ELAVL3: variants seen among roughly 807,000 people sequenced by gnomAD.
ELAVL3 encodes ELAV like RNA binding protein 3.
ELAVL3 carries 8 observed loss-of-function variants against 34.2 expected under a neutral mutation model. The ratio of observed to expected loss-of-function variants is 0.23; its 90% CI spans 0.14 to 0.42. ELAVL3 has a LOEUF of 0.42. Among genes scored for constraint, ELAVL3 ranks in the 10% least tolerant of loss-of-function variants. ELAVL3 has a pLI of 1.00. For synonymous variants in ELAVL3, 209 were observed against 222.1 expected (o/e 0.94, Z 0.53); for missense variants, 273 against 518.8 (o/e 0.53, Z 4.60).
chr19:11,478,107 G>C (rs1340855649), intron 1 of ELAVL3, among the ~76,000 whole-genome samples: 1 of 152,160 alleles, frequency 6.6e-6, no homozygotes, highest in Non-Finnish European at 1.5e-5. Flanking sequence ...TTAGTCACAG[G>C]GACCTATGAC....
chr19:11,479,941 C>A (rs1056263606), intron 1 of ELAVL3, among the ~76,000 whole-genome samples: 1 of 151,422 alleles, frequency 6.6e-6, no homozygotes, highest in Non-Finnish European at 1.5e-5. Flanking sequence ...AACCCGCGGG[C>A]CCTCCTCTCC....
Position 11,458,061 on chromosome 19 carries a change from C to T in ELAVL3, c.713G>A (p.Arg238Gln). 1 of 1,611,336 alleles carries T rather than the reference C, an allele frequency of 6.2e-7. No individual in the cohort carries two copies. The highest frequency in any genetic ancestry group is 8.5e-7 in the Non-Finnish European group (1 of 1,179,964). ...GPLHHQTQRF[R>Q]LDNLLNMAYG... Reference sequence around the variant, plus strand: ...GCCATCTGGCTGGCAGGGGGCTCACCGGAAACGCTGGGTCTGATGGTGTAG... The same window carrying T: ...GCCATCTGGCTGGCAGGGGGCTCACTGGAAACGCTGGGTCTGATGGTGTAG... The change falls in exon 5 of 7, where the codon CGG (arginine) becomes CAG (glutamine). Residue 238 changes from arginine (R) to glutamine (Q), a missense_variant and splice_region_variant. By Grantham distance (43) the Arg-to-Gln change is conservative. Around this residue, in one of 4 missense-constraint regions of ELAVL3, gnomAD observed 79 missense variants for 108.2 expected, o/e 0.73. Transcript: ENST00000359227. This position sits in a 1 kb window ranked among gnomAD's most constrained non-coding sequence, Gnocchi z 7.3.
chr19:11,472,853 G>C lies in ELAVL3; in HGVS notation c.10-6026C>G, dbSNP rs527377145. On this transcript the variant is annotated intron_variant, in intron 1 of 6. Coordinates refer to ENST00000359227, the MANE Select transcript of ELAVL3 (RefSeq NM_001420.4). ...ACCAAGGGGGGGTGGATCGCCAGAG[G>C]TCAGGAGTTTGAGACCATCCTGACC... 4.0e-5 allele frequency among the ~76,000 whole-genome samples: 6 copies of C among 151,382 alleles called. 1 individual carries two copies. The highest frequency in any genetic ancestry group is 1.5e-4 in the African/African-American group (6 of 41,192).
intron 1 of ELAVL3, among the ~76,000 whole-genome samples, chr19:11,473,191 C>G (rs1971200282): frequency 6.6e-6 from 1 of 152,040 alleles, no homozygotes; most frequent in Non-Finnish European, 1.5e-5. Context: ...CGGCGAAACT[C>G]CGTCTTTACT....
At chr19:11,476,147 G>A (rs774356128) in intron 1 of ELAVL3, among the ~76,000 whole-genome samples, 1 of 152,128 alleles carries the variant, frequency 6.6e-6, no homozygotes. Flanking sequence ...AACTGATCGC[G>A]TAACCATGTA....
intron 1 of ELAVL3, among the ~76,000 whole-genome samples, chr19:11,479,429 G>C (rs1971326363): frequency 6.6e-6 from 1 of 152,174 alleles, no homozygotes; most frequent in Admixed American, 6.5e-5. Flanking sequence ...AATGCACAGA[G>C]ACACACACGC....
rs1970685429 is a variant in ELAVL3 at position 11,452,930 on chromosome 19, CT to C, written c.*1595del. On this transcript the variant is annotated 3_prime_UTR_variant, in exon 7 of 7. Transcript: ENST00000359227. Reference sequence around the variant, plus strand: ...GATCGGGGGCTGTGTCCACTGCAATCTGGAAAGACGAAAAACCCAACAAACC... The same window carrying C: ...GATCGGGGGCTGTGTCCACTGCAATCGGAAAGACGAAAAACCCAACAAACC... 6.6e-6 allele frequency: 1 copy of C among 152,034 alleles called. No homozygotes were observed. The highest frequency in any genetic ancestry group is 1.5e-5 in the Non-Finnish European group (1 of 68,030). The allele number at this position is 152,034 out of a possible 1,614,324, so 9.4% of individuals were successfully genotyped here. A position where few individuals can be genotyped will look rare whatever the true frequency, so the allele number is the denominator to read the frequency against.
intron 5 of ELAVL3, 97 bp downstream of exon 5, chr19:11,457,964 C>T (rs1970804249): frequency 7.4e-7 from 1 of 1,351,998 alleles, no homozygotes. Context: ...TGTGCGCACC[C>T]TCCCGGCATC....
chr19:11,457,247 C>A, intron 5 of ELAVL3, 99 bp from the exon 6 acceptor site: 1 of 1,283,624 alleles, frequency 7.8e-7, no homozygotes, highest in Non-Finnish European at 1.0e-6. Context: ...AACAGGCCTG[C>A]AGCAGAGCCC....
intron 1 of ELAVL3, among the ~76,000 whole-genome samples, chr19:11,475,470 A>T (rs943904625): frequency 6.6e-6 from 1 of 151,810 alleles, no homozygotes; most frequent in African/African-American, 2.4e-5. Context: ...ATGCCCAGCT[A>T]ATTTTTTATT....
Position 11,454,299 on chromosome 19 carries a change from G to A in ELAVL3, c.*227C>T. 2 of 545,808 alleles carry A rather than the reference G, an allele frequency of 3.7e-6. No homozygotes were observed. Among genetic ancestry groups the A allele is most frequent in the South Asian group, 5.2e-5 (2 of 38,110 alleles). 33.8% of individuals were successfully genotyped at this position (545,808 alleles called of 1,614,324 possible). A position where few individuals can be genotyped will look rare whatever the true frequency, so the allele number is the denominator to read the frequency against. On this transcript the variant is annotated 3_prime_UTR_variant, in exon 7 of 7. Coordinates refer to ENST00000359227, the MANE Select transcript of ELAVL3 (RefSeq NM_001420.4). The surrounding 1 kb of genome is among the most constrained non-coding windows in gnomAD (Gnocchi z 9.2). ...AGAGTGAACAGCCCAGCCTGGGGTGGGGGCAGGAGGATGGGGCGGGGGATC... is the reference window on the plus strand; with the variant it reads ...AGAGTGAACAGCCCAGCCTGGGGTGAGGGCAGGAGGATGGGGCGGGGGATC...
rs755007277 is a variant in ELAVL3, at chr19:11,454,793, C to T, written c.837G>A (p.Ala279=). The change falls in exon 7 of 7, where the codon GCG becomes GCA. Residue 279 remains alanine, a synonymous_variant. Coordinates refer to ENST00000359227, the MANE Select transcript of ELAVL3 (RefSeq NM_001420.4). The surrounding 1 kb of genome is among the most constrained non-coding windows in gnomAD (Gnocchi z 9.2). ...CGAAGATGCACCAGCCGGCGCCCGCCGCGCCCCCCGACAGGCCCACGCCCG... is the reference window on the plus strand; with the variant it reads ...CGAAGATGCACCAGCCGGCGCCCGCTGCGCCCCCCGACAGGCCCACGCCCG... The part of the protein sequence containing the change: ...GLAGVGLSGG[A]AGAGWCIFVY... 2.5e-5 allele frequency: 40 copies of T among 1,612,596 alleles called. No homozygotes were observed. In the Admixed American group the frequency reaches 5.7e-4, roughly 23 times the overall value.
chr19:11,469,828 T>C (rs577064482), intron 1 of ELAVL3, among the ~76,000 whole-genome samples: 1 of 151,940 alleles, frequency 6.6e-6, no homozygotes, highest in Non-Finnish European at 1.5e-5. Flanking sequence ...GAGGCCAAGG[T>C]GGACGGATTG....
At chr19:11,468,067 G>A (rs886261530) in intron 1 of ELAVL3, among the ~76,000 whole-genome samples, 2 of 152,220 alleles carry the variant, frequency 1.3e-5, no homozygotes, top group South Asian at 2.1e-4. Context: ...TGGGATTACA[G>A]GTGTGAGCTA....
Position 11,466,083 on chromosome 19 carries a change from A to C in ELAVL3, c.333+89T>G. ...GAGTCCTGAAAGGCAGTGGACATGG[A>C]TGCATGGGGGCGGGTAGGTGGCAGT... On this transcript the variant is annotated intron_variant, in intron 3 of 6. Coordinates refer to ENST00000359227, the MANE Select transcript of ELAVL3 (RefSeq NM_001420.4). The surrounding 1 kb of genome is among the most constrained non-coding windows in gnomAD (Gnocchi z 5.0). The C allele has an allele frequency of 8.7e-7, 1 of 1,145,746 alleles. No individual in the cohort carries two copies. The highest frequency in any genetic ancestry group is 1.9e-5 in the Admixed American group (1 of 52,726). 71.0% of individuals were successfully genotyped at this position (1,145,746 alleles called of 1,614,324 possible).
In ELAVL3 at chr19:11,480,492, T is replaced by A; in HGVS notation, c.9+108A>T. Reference sequence around the variant, plus strand: ...TGGTCCTACCCCCCCAACCCGGGCCTAGCTAGGCCTGGTCCTACCCCCCCC... The same window carrying A: ...TGGTCCTACCCCCCCAACCCGGGCCAAGCTAGGCCTGGTCCTACCCCCCCC... On this transcript the variant is annotated intron_variant, in intron 1 of 6. Transcript: ENST00000359227. This position sits in a 1 kb window ranked among gnomAD's most constrained non-coding sequence, Gnocchi z 6.8. 1.3e-5 allele frequency: 11 copies of A among 819,802 alleles called. No homozygotes were observed. The highest frequency in any genetic ancestry group is 1.9e-5 in the Non-Finnish European group (11 of 585,446). 50.8% of individuals were successfully genotyped at this position (819,802 alleles called of 1,614,324 possible). A position where few individuals can be genotyped will look rare whatever the true frequency, so the allele number is the denominator to read the frequency against.
At chr19:11,471,407 G>C (rs1300616012) in intron 1 of ELAVL3, among the ~76,000 whole-genome samples, 1 of 151,680 alleles carries the variant, frequency 6.6e-6, no homozygotes, top group Non-Finnish European at 1.5e-5. Context: ...GAGTTCAGGA[G>C]TTCGAGACCA....
intron 3 of ELAVL3, among the ~76,000 whole-genome samples, chr19:11,465,535 G>A (rs1189319566): frequency 6.6e-6 from 1 of 151,354 alleles, no homozygotes. Context: ...ATCAGGAAAG[G>A]GAAGAGATTC....
At chr19:11,472,699 T>A (rs1163606566) in intron 1 of ELAVL3, among the ~76,000 whole-genome samples, 1 of 149,062 alleles carries the variant, frequency 6.7e-6, no homozygotes, top group Non-Finnish European at 1.5e-5. Context: ...AGACACTGTA[T>A]AACAAAAAAG....
Sources: allele counts gnomAD v4.1 joint callset (sites outside exome capture counted in the v4.1 genomes callset), GRCh38; gene constraint gnomAD v4.1.1; regional missense constraint gnomAD v4.1.1; non-coding constraint Gnocchi (gnomAD v3.1); transcripts MANE v1.5; gene names NCBI Gene and HGNC (gene_info 2026-07-23, HGNC 2026-07-21).